CLEC18C: variants seen among roughly 807,000 people sequenced by gnomAD.
CLEC18C encodes the protein C-type lectin domain family 18 member C, also known as mannose receptor-like 3.
CLEC18C carries 2 observed loss-of-function variants against 27.2 expected under a neutral mutation model. The ratio of observed to expected loss-of-function variants is 0.07; its 90% CI spans 0.03 to 0.23. The LOEUF (loss-of-function observed/expected upper bound fraction) is 0.23. CLEC18C is among the 10% of genes least tolerant of loss of function. The pLI is 1.00. For synonymous variants in CLEC18C, 13 were observed against 112.8 expected (o/e 0.12, Z 5.61); for missense variants, 31 against 269.0 (o/e 0.12, Z 6.19).
Position 70,186,622 on chromosome 16 carries a change from C to T in CLEC18C, c.*102C>T, listed in dbSNP as rs560880030. The T allele has an allele frequency of 2.2e-4, 207 of 920,812 alleles. 27 individuals are homozygous for T. The African/African-American group carries it at 3.8e-3, about 17-fold the overall frequency. The allele number at this position is 920,812 out of a possible 1,614,324, so 57.0% of individuals were successfully genotyped here. ...AGGGCCAGGTTAAGACCACATGCCT[C>T]ATGTCCAAAGAGGTCTCAGACCTTG... On this transcript the variant is annotated 3_prime_UTR_variant, in exon 13 of 13. Transcript: ENST00000541793.
chr16:70,174,927 A>G lies in CLEC18C; in HGVS notation c.125-20A>G. The G allele has an allele frequency of 7.5e-7, 1 of 1,334,338 alleles. No homozygotes were observed. The highest frequency in any genetic ancestry group is 1.0e-6 in the Non-Finnish European group (1 of 978,380). 82.7% of individuals were successfully genotyped at this position (1,334,338 alleles called of 1,614,324 possible). On this transcript the variant is annotated intron_variant, in intron 2 of 12. Transcript: ENST00000541793. ...GGTCCCCCCATCCTCGGGCTGCCTG[A>G]CCTTCTCTCTCCACCCCAGCCCTGA...
At chr16:70,176,429 T>TTC (rs1173076259) in intron 3 of CLEC18C, among the ~76,000 whole-genome samples, 1 of 146,594 alleles carries the variant, frequency 6.8e-6, no homozygotes, top group East Asian at 2.1e-4. Context: ...GGCCCACTTG[T>TTC]TTAAGAAGAG....
intron 3 of CLEC18C, among the ~76,000 whole-genome samples, chr16:70,175,557 G>A (rs1407480219): frequency 2.3e-3 from 294 of 128,472 alleles, no homozygotes; most frequent in African/African-American, 0.011. Flanking sequence ...AGCAGGGGCC[G>A]GGGGTCGGGG....
Position 70,173,885 on chromosome 16 carries a change from C to T in CLEC18C, c.-173C>T, listed in dbSNP as rs1192816986. On this transcript the variant is annotated 5_prime_UTR_variant, in exon 1 of 13. Transcript: ENST00000541793. ...CATCAGTGGGCTCGGAGGACACTGT[C>T]CCAGCCAGGACACGGCCATCGGTCA... 7.2e-6 allele frequency: 2 copies of T among 277,388 alleles called. No homozygotes were observed. Among genetic ancestry groups the T allele is most frequent in the East Asian group, 1.1e-4 (1 of 8,970 alleles). 17.2% of individuals were successfully genotyped at this position (277,388 alleles called of 1,614,324 possible).
Sources: allele counts gnomAD v4.1 joint callset (sites outside exome capture counted in the v4.1 genomes callset), GRCh38; gene constraint gnomAD v4.1.1; transcripts MANE v1.5; gene names NCBI Gene and HGNC (gene_info 2026-07-23, HGNC 2026-07-21).